The following ZNF407 variants were observed in gnomAD, a reference collection of about 807,000 sequenced individuals.
ZNF407 encodes the protein zinc finger protein 407.
A neutral mutation model predicts 131.2 loss-of-function variants in ZNF407; 17 were observed. The ratio of observed to expected loss-of-function variants is 0.13; its 90% CI spans 0.09 to 0.19. The LOEUF is 0.19. Ranked by LOEUF, ZNF407 falls within the 10% of genes least tolerant of loss-of-function variation. The pLI is 1.00. For synonymous variants in ZNF407, 1,156 were observed against 1,062.0 expected (o/e 1.09, Z -1.72); for missense variants, 2,681 against 2,830.6 (o/e 0.95, Z 1.20).
chr18:74,678,266 T>G (rs1003272510), intron 3 of ZNF407, among the ~76,000 whole-genome samples: 5 of 152,210 alleles, frequency 3.3e-5, no homozygotes, highest in African/African-American at 1.2e-4. Context: ...TCAACTGTAT[T>G]GCATATATTA....
intron 1 of ZNF407, among the ~76,000 whole-genome samples, chr18:74,612,855 C>G (rs1341769446): frequency 6.6e-6 from 1 of 152,072 alleles, no homozygotes; most frequent in Non-Finnish European, 1.5e-5. Flanking sequence ...AGGAAGAAGA[C>G]AAGCTTAGGC....
intron 4 of ZNF407, among the ~76,000 whole-genome samples, chr18:74,798,618 T>C (rs2145064976): frequency 6.6e-6 from 1 of 152,274 alleles, no homozygotes; most frequent in East Asian, 1.9e-4. Flanking sequence ...TGGAGTCTTT[T>C]ACTGATGCAG....
intron 3 of ZNF407, among the ~76,000 whole-genome samples, chr18:74,753,812 TC>T: frequency 6.6e-6 from 1 of 152,266 alleles, no homozygotes. Context: ...GTCTAAAATT[TC>T]TCTTTTTTTT....
intron 8 of ZNF407, among the ~76,000 whole-genome samples, chr18:75,019,275 A>G (rs2122198494): frequency 6.6e-6 from 1 of 152,290 alleles, no homozygotes; most frequent in East Asian, 1.9e-4. Context: ...ATAGAAAATT[A>G]AGGTAAGATT....
intron 4 of ZNF407, among the ~76,000 whole-genome samples, chr18:74,852,100 C>T (rs1970792898): frequency 6.6e-6 from 1 of 151,950 alleles, no homozygotes; most frequent in African/African-American, 2.4e-5. Flanking sequence ...AGAATAGGAA[C>T]GCTGAGTCAG....
intron 4 of ZNF407, among the ~76,000 whole-genome samples, chr18:74,848,268 T>C (rs146398736): frequency 6.6e-6 from 1 of 152,316 alleles, no homozygotes; most frequent in African/African-American, 2.4e-5. Context: ...CTGTTTCAGA[T>C]ATTAAGGAAG....
At position 74,773,164 on chromosome 18, in the gene ZNF407, T is replaced by A. The variant is rs895041503; in HGVS notation, c.4803-8264T>A. On this transcript the variant is annotated intron_variant, in intron 3 of 8. Transcript: ENST00000299687. ...GGAAATAAATTATACCTTTGAAATA[T>A]GAATGTATATGAACAAATATATCAC... Among the ~76,000 whole-genome samples, 79 of 152,174 alleles carry A rather than the reference T, an allele frequency of 5.2e-4. 1 individual carries two copies. The highest frequency in any genetic ancestry group is 2.9e-5 in the Non-Finnish European group (2 of 68,034).
At chr18:74,850,912 G>A (rs971586170) in intron 4 of ZNF407, among the ~76,000 whole-genome samples, 1 of 152,130 alleles carries the variant, frequency 6.6e-6, no homozygotes, top group African/African-American at 2.4e-5. Flanking sequence ...GTCTGAAACT[G>A]CATTAGGCTC....
intron 3 of ZNF407, among the ~76,000 whole-genome samples, chr18:74,661,795 T>A (rs958207261): frequency 6.6e-6 from 1 of 152,200 alleles, no homozygotes; most frequent in Non-Finnish European, 1.5e-5. Context: ...TGTGAAAACA[T>A]GTTTTATTTT....
intron 7 of ZNF407, among the ~76,000 whole-genome samples, chr18:74,916,781 A>AGGGTGTGT (rs1971776547): frequency 1.1e-5 from 1 of 87,924 alleles, no homozygotes; most frequent in Non-Finnish European, 2.3e-5. Context: ...TCGAATCGGG[A>AGGGTGTGT]GTGTGTGTGT....
At chr18:74,763,865 A>G (rs1356982051) in intron 3 of ZNF407, among the ~76,000 whole-genome samples, 3 of 150,186 alleles carry the variant, frequency 2.0e-5, no homozygotes, top group Non-Finnish European at 4.4e-5. Flanking sequence ...GCCCGCTACC[A>G]CGCCCGGCTA....
intron 8 of ZNF407, among the ~76,000 whole-genome samples, chr18:74,940,367 C>T (rs17055983): frequency 2.6e-5 from 4 of 152,048 alleles, no homozygotes; most frequent in African/African-American, 9.7e-5. Flanking sequence ...CAGCTGAGAC[C>T]TGAAGGACTT....
At chr18:74,825,291 A>G (rs149282530) in intron 4 of ZNF407, among the ~76,000 whole-genome samples, 12,018 of 152,284 alleles carry the variant, frequency 0.079, 617 homozygotes, top group South Asian at 0.17. Flanking sequence ...CCAGACAAGG[A>G]TGCCCTCTCT....
chr18:74,842,585 A>G (rs1182567673), intron 4 of ZNF407, among the ~76,000 whole-genome samples: 2 of 119,084 alleles, frequency 1.7e-5, no homozygotes, highest in African/African-American at 6.5e-5. Flanking sequence ...TGACCCTGGA[A>G]GTTTTTCCCT....
intron 3 of ZNF407, among the ~76,000 whole-genome samples, chr18:74,655,750 C>T (rs1391725170): frequency 1.3e-5 from 2 of 152,124 alleles, no homozygotes; most frequent in South Asian, 4.1e-4. Flanking sequence ...TCTGTTCATG[C>T]TCACGTGTAT....
At chr18:74,836,295 T>C (rs180800083) in intron 4 of ZNF407, among the ~76,000 whole-genome samples, 52 of 152,316 alleles carry the variant, frequency 3.4e-4, no homozygotes, top group Middle Eastern at 6.8e-3. Flanking sequence ...CTTTCCTCCG[T>C]GGAGCACTTA....
chr18:75,058,733 T>C (rs1161716020), intron 8 of ZNF407, among the ~76,000 whole-genome samples: 1 of 152,224 alleles, frequency 6.6e-6, no homozygotes, highest in Non-Finnish European at 1.5e-5. Flanking sequence ...ACAGTTCATA[T>C]TTACTAGAAA....
chr18:74,915,415 G>C (rs1253010854), intron 7 of ZNF407, among the ~76,000 whole-genome samples: 2 of 149,364 alleles, frequency 1.3e-5, no homozygotes, highest in Non-Finnish European at 3.0e-5. Context: ...GTGTGTGTGT[G>C]TGTGTGTGTG....
intron 3 of ZNF407, among the ~76,000 whole-genome samples, chr18:74,768,769 C>T (rs1969298385): frequency 6.6e-6 from 1 of 152,158 alleles, no homozygotes; most frequent in Non-Finnish European, 1.5e-5. Flanking sequence ...GTGGTTTTAT[C>T]TTCAATAATC....
Sources: allele counts gnomAD v4.1 joint callset (sites outside exome capture counted in the v4.1 genomes callset), GRCh38; gene constraint gnomAD v4.1.1; transcripts MANE v1.5; gene names NCBI Gene and HGNC (gene_info 2026-07-23, HGNC 2026-07-21).